The following DLGAP2 variants were observed in gnomAD, a reference collection of about 807,000 sequenced individuals.
DLGAP2 encodes DLG associated protein 2, also known as disks large-associated protein 2.
In DLGAP2, 26 loss-of-function variants were observed where a neutral mutation model predicts 100.3. The observed-to-expected ratio is 0.26, with a 90% confidence interval of 0.19 to 0.36. DLGAP2 has a LOEUF of 0.36. Ranked by LOEUF, DLGAP2 falls within the 10% of genes least tolerant of loss-of-function variation. The pLI is 1.00. For missense variants in DLGAP2, 1,858 were observed against 1,453.2 expected (o/e 1.28, Z -4.53); for synonymous variants, 886 against 630.1 (o/e 1.41, Z -6.08).
intron 2 of DLGAP2, among the ~76,000 whole-genome samples, chr8:1,218,724 A>G (rs1272859381): frequency 6.6e-6 from 1 of 152,140 alleles, no homozygotes; most frequent in African/African-American, 2.4e-5. Flanking sequence ...TTTGATTAGT[A>G]TGGCCATTTT....
chr8:1,586,627 G>T (rs545078015), intron 6 of DLGAP2, among the ~76,000 whole-genome samples: 46 of 152,280 alleles, frequency 3.0e-4, no homozygotes, highest in African/African-American at 1.1e-3. Context: ...TGTGGCACCA[G>T]CGTGGAAGGC....
chr8:1,602,678 C>A (rs1206710090), intron 6 of DLGAP2, among the ~76,000 whole-genome samples: 2 of 152,238 alleles, frequency 1.3e-5, no homozygotes, highest in Non-Finnish European at 2.9e-5. Flanking sequence ...CCCCTCCTTC[C>A]CAGGAGTGAC....
intron 13 of DLGAP2, among the ~76,000 whole-genome samples, chr8:1,695,419 G>A (rs1235415854): frequency 6.9e-6 from 1 of 144,902 alleles, no homozygotes; most frequent in African/African-American, 2.8e-5. Flanking sequence ...CAGAAAGAGG[G>A]GGCACAGCCA....
At chr8:1,201,607 C>T (rs1190364376) in intron 2 of DLGAP2, among the ~76,000 whole-genome samples, 1 of 152,200 alleles carries the variant, frequency 6.6e-6, no homozygotes, top group East Asian at 1.9e-4. Context: ...GGGGTAGACA[C>T]AGGTGCAGCT....
chr8:1,669,702 C>G (rs756921944), intron 9 of DLGAP2, 41 bp from the exon 10 acceptor site: 6 of 780,578 alleles, frequency 7.7e-6, no homozygotes, highest in Non-Finnish European at 1.2e-5. Flanking sequence ...CCAGGGCCTC[C>G]GAACCAGGTC....
chr8:1,107,533 G>T (rs77229251), intron 2 of DLGAP2, among the ~76,000 whole-genome samples: 1 of 152,300 alleles, frequency 6.6e-6, no homozygotes, highest in African/African-American at 2.4e-5. Flanking sequence ...CCCCTCGCGT[G>T]GGAAGCTCGT....
chr8:827,852 A>G (rs1796710664), intron 1 of DLGAP2, among the ~76,000 whole-genome samples: 1 of 152,134 alleles, frequency 6.6e-6, no homozygotes, highest in Admixed American at 6.6e-5. Flanking sequence ...GTTCTTTTCT[A>G]TTTTCCTAAG....
intron 1 of DLGAP2, among the ~76,000 whole-genome samples, chr8:780,308 A>G (rs1350181888): frequency 6.6e-6 from 1 of 152,096 alleles, no homozygotes; most frequent in East Asian, 1.9e-4. Context: ...TCACATTGTC[A>G]TTAATAACAG....
intron 6 of DLGAP2, among the ~76,000 whole-genome samples, chr8:1,575,230 C>G (rs1294893047): frequency 6.6e-6 from 1 of 152,100 alleles, no homozygotes; most frequent in South Asian, 2.1e-4. Flanking sequence ...AGTGCTGTGG[C>G]AAACGTGGGA....
At chr8:1,469,681 C>G (rs1393104969) in intron 3 of DLGAP2, among the ~76,000 whole-genome samples, 1 of 152,224 alleles carries the variant, frequency 6.6e-6, no homozygotes, top group African/African-American at 2.4e-5. Flanking sequence ...AGCACCTGCT[C>G]TGCACGTGCC....
chr8:1,138,313 C>T (rs1796459233), intron 2 of DLGAP2, among the ~76,000 whole-genome samples: 1 of 152,236 alleles, frequency 6.6e-6, no homozygotes, highest in African/African-American at 2.4e-5. Context: ...GTCCTGTCTG[C>T]ATGCCGATGA....
At chr8:1,600,872 T>C (rs542281673) in intron 6 of DLGAP2, among the ~76,000 whole-genome samples, 27 of 152,284 alleles carry the variant, frequency 1.8e-4, no homozygotes, top group African/African-American at 6.3e-4. Flanking sequence ...CCTACTTCTA[T>C]AATTTGCCAA....
chr8:869,430 C>G (rs1480154664), intron 1 of DLGAP2, among the ~76,000 whole-genome samples: 1 of 152,130 alleles, frequency 6.6e-6, no homozygotes, highest in Non-Finnish European at 1.5e-5. Context: ...TCTCTTTCAG[C>G]AAAAGAAAAT....
chr8:898,665 C>T (rs991069556), intron 1 of DLGAP2, among the ~76,000 whole-genome samples: 1 of 152,060 alleles, frequency 6.6e-6, no homozygotes, highest in Non-Finnish European at 1.5e-5. Context: ...CACTCAGATG[C>T]CTCTGTGGGG....
At position 883,823 on chromosome 8, in the gene DLGAP2, T is replaced by G. The variant is rs549622446; in HGVS notation, c.19-24089T>G. The stretch of plus-strand genomic sequence containing the variant: ...AACTCGCAACAGGCCCTGGTGTGTG[T>G]TGTTCCCCTCTCTGTGTCATTGTGT... On this transcript the variant is annotated intron_variant, in intron 1 of 14. Coordinates refer to ENST00000637795, the MANE Select transcript of DLGAP2 (RefSeq NM_001346810.2). 4.6e-5 allele frequency among the ~76,000 whole-genome samples: 7 copies of G among 152,314 alleles called. No individual in the cohort carries two copies. In the South Asian group the frequency reaches 1.2e-3, roughly 27 times the overall value.
At position 1,561,670 on chromosome 8, in the gene DLGAP2, G is replaced by A. The variant is rs115696204; in HGVS notation, c.1231-4013G>A. Among the ~76,000 whole-genome samples, 1,303 of 151,642 alleles carry A rather than the reference G, an allele frequency of 8.6e-3. 31 individuals are homozygous for A. The highest frequency in any genetic ancestry group is 0.03 in the African/African-American group (1,236 of 41,062). On this transcript the variant is annotated intron_variant, in intron 5 of 14. Coordinates refer to ENST00000637795, the MANE Select transcript of DLGAP2 (RefSeq NM_001346810.2). Reference sequence around the variant, plus strand: ...GTGACCCACAGGGGCCTGCGGGACTGTGGTGTTGGGTGTCCGCGCCTCGTT... The same window carrying A: ...GTGACCCACAGGGGCCTGCGGGACTATGGTGTTGGGTGTCCGCGCCTCGTT...
chr8:1,570,891 T>C (rs1215687740), intron 6 of DLGAP2, among the ~76,000 whole-genome samples: 1 of 124,790 alleles, frequency 8.0e-6, no homozygotes, highest in Non-Finnish European at 1.6e-5. Flanking sequence ...AGGGGTGAAC[T>C]GGAGGGGCGT....
At chr8:837,322 T>C (rs924748741) in intron 1 of DLGAP2, among the ~76,000 whole-genome samples, 2 of 152,226 alleles carry the variant, frequency 1.3e-5, no homozygotes, top group Non-Finnish European at 2.9e-5. Context: ...AAGGAGTGTG[T>C]CATTCATCTT....
intron 4 of DLGAP2, among the ~76,000 whole-genome samples, chr8:1,545,518 T>C (rs12156177): frequency 0.51 from 77,637 of 152,018 alleles, 20,045 homozygotes; most frequent in East Asian, 0.6. Context: ...GAAACTAAGA[T>C]GCTTTCCGCA....
Sources: allele counts gnomAD v4.1 joint callset (sites outside exome capture counted in the v4.1 genomes callset), GRCh38; gene constraint gnomAD v4.1.1; transcripts MANE v1.5; gene names NCBI Gene and HGNC (gene_info 2026-07-23, HGNC 2026-07-21).